TECPR2: variants seen among roughly 807,000 people sequenced by gnomAD.
TECPR2 encodes the protein tectonin beta-propeller repeat containing 2.
TECPR2 carries 65 observed loss-of-function variants against 138.1 expected under a neutral mutation model. The ratio of observed to expected loss-of-function variants is 0.47; its 90% CI spans 0.39 to 0.58. TECPR2 has a LOEUF of 0.58. TECPR2 is among the 20% of genes least tolerant of loss of function. The pLI is 0.00. For missense variants in TECPR2, 1,553 were observed against 1,824.5 expected (o/e 0.85, Z 2.71); for synonymous variants, 746 against 749.8 (o/e 0.99, Z 0.08).
intron 16 of TECPR2, among the ~76,000 whole-genome samples, chr14:102,453,820 C>CAA (rs559709458): frequency 1.1e-4 from 6 of 56,450 alleles, no homozygotes; most frequent in African/African-American, 1.3e-4. Context: ...ATGTACTCAC[C>CAA]AAAAAAAAAA....
intron 12 of TECPR2, 23 bp from the exon 13 acceptor site, chr14:102,445,783 C>A (rs1323173208): frequency 6.2e-7 from 1 of 1,611,980 alleles, no homozygotes; most frequent in East Asian, 2.2e-5. Context: ...TGCTGACCCC[C>A]CTGTTCTCCT....
chr14:102,434,889 G>T lies in TECPR2; in HGVS notation c.2072G>T (p.Gly691Val), dbSNP rs763134140. The T allele has an allele frequency of 2.5e-6, 4 of 1,613,668 alleles. No homozygotes were observed. Among genetic ancestry groups the T allele is most frequent in the East Asian group, 2.2e-5 (1 of 44,884 alleles). Residue 691 changes from glycine (G) to valine (V), a missense_variant, in exon 9 of 20, where the codon GGC (glycine) becomes GTC (valine). Transcript: ENST00000359520. The part of the protein sequence containing the change: ...QDILTSMEAS[G>V]HLSTNLWHAV... Reference sequence around the variant, plus strand: ...ATCCTAACCAGCATGGAGGCCTCTGGCCACCTCAGCACAAATCTCTGGCAT... The same window carrying T: ...ATCCTAACCAGCATGGAGGCCTCTGTCCACCTCAGCACAAATCTCTGGCAT...
intron 17 of TECPR2, among the ~76,000 whole-genome samples, chr14:102,473,123 G>A (rs993242228): frequency 1.3e-5 from 2 of 152,244 alleles, no homozygotes; most frequent in Non-Finnish European, 2.9e-5. Context: ...GGCGGCAGGG[G>A]TGGGACATAG....
intron 1 of TECPR2, among the ~76,000 whole-genome samples, chr14:102,366,496 G>A (rs529183380): frequency 3.3e-5 from 5 of 152,168 alleles, no homozygotes; most frequent in South Asian, 2.1e-4. Context: ...ACAGGTGTGC[G>A]CCACCACACC....
intron 2 of TECPR2, among the ~76,000 whole-genome samples, chr14:102,400,357 T>A (rs1270826879): frequency 1.3e-5 from 2 of 152,242 alleles, no homozygotes; most frequent in Non-Finnish European, 2.9e-5. Flanking sequence ...CATTTTGTTT[T>A]CTACATAATT....
Position 102,435,150 on chromosome 14 carries a change from G to A in TECPR2, c.2333G>A (p.Cys778Tyr). ...ETSVTELGPS[C>Y]SQQDLSRLGA... is the part of the protein sequence containing the mutation. The stretch of plus-strand genomic sequence containing the variant: ...AGTGTGACAGAGCTCGGACCTAGTT[G>A]CTCCCAGCAGGACCTGAGCCGGCTG... The change falls in exon 9 of 20, where the codon TGC becomes TAC. Residue 778 changes from cysteine (C) to tyrosine (Y), a missense_variant. Physicochemically the swap from Cys to Tyr is radical, Grantham distance 194. Transcript: ENST00000359520. The A allele has an allele frequency of 6.2e-7, 1 of 1,613,246 alleles. No individual in the cohort carries two copies. The highest frequency in any genetic ancestry group is 8.5e-7 in the Non-Finnish European group (1 of 1,180,022).
intron 1 of TECPR2, among the ~76,000 whole-genome samples, chr14:102,369,778 A>AAAAAAAAC (rs1295399437): frequency 1.3e-5 from 2 of 150,476 alleles, no homozygotes. Flanking sequence ...CGTCTCTACT[A>AAAAAAAAC]AAAAAAACAA....
At position 102,498,607 on chromosome 14, in the gene TECPR2, AG is replaced by A. The variant is rs1346407586; in HGVS notation, c.*353del. 2.4e-6 allele frequency: 1 copy of A among 418,094 alleles called. No individual in the cohort carries two copies. The highest frequency in any genetic ancestry group is 4.5e-6 in the Non-Finnish European group (1 of 221,622). The allele number at this position is 418,094 out of a possible 1,614,324, so 25.9% of individuals were successfully genotyped here. ...GGTCTCCGGAGGCCTCCCAGAACCAAGGGTAGCCGGGCAGCTGGTTTGGCCC... is the reference window on the plus strand; with the variant it reads ...GGTCTCCGGAGGCCTCCCAGAACCAAGGTAGCCGGGCAGCTGGTTTGGCCC... On this transcript the variant is annotated 3_prime_UTR_variant, in exon 20 of 20. Coordinates refer to ENST00000359520, the MANE Select transcript of TECPR2 (RefSeq NM_014844.5).
At chr14:102,492,536 G>A (rs1323817810) in intron 17 of TECPR2, among the ~76,000 whole-genome samples, 1 of 152,194 alleles carries the variant, frequency 6.6e-6, no homozygotes, top group Non-Finnish European at 1.5e-5. Flanking sequence ...GGATAAAAGC[G>A]GGTGAGGGGC....
chr14:102,407,497 C>G, intron 3 of TECPR2, 31 bp downstream of exon 3: 1 of 1,564,154 alleles, frequency 6.4e-7, no homozygotes, highest in Non-Finnish European at 8.6e-7. Context: ...CACGTGTTAA[C>G]TTCTTGGCAC....
At chr14:102,458,757 C>T (rs1046019585) in intron 16 of TECPR2, among the ~76,000 whole-genome samples, 2 of 151,910 alleles carry the variant, frequency 1.3e-5, no homozygotes, top group African/African-American at 4.8e-5. Context: ...CAGTTGAGAT[C>T]GCACCTCCCC....
intron 17 of TECPR2, among the ~76,000 whole-genome samples, chr14:102,482,483 G>A (rs1000824786): frequency 2.0e-5 from 3 of 152,126 alleles, no homozygotes; most frequent in Non-Finnish European, 2.9e-5. Context: ...CACCCTCTTG[G>A]CCAGCTCCAG....
chr14:102,390,222 C>T (rs767008490), intron 2 of TECPR2, among the ~76,000 whole-genome samples: 10 of 152,116 alleles, frequency 6.6e-5, no homozygotes, highest in Non-Finnish European at 1.5e-4. Flanking sequence ...GCCAAGGAGG[C>T]TAAGAAGGTT....
intron 10 of TECPR2, among the ~76,000 whole-genome samples, chr14:102,439,462 A>G (rs1490429787): frequency 6.6e-6 from 1 of 152,150 alleles, no homozygotes; most frequent in Non-Finnish European, 1.5e-5. Context: ...GAGACTGGCT[A>G]ACAACCCACT....
intron 7 of TECPR2, among the ~76,000 whole-genome samples, chr14:102,431,395 T>C (rs968980926): frequency 1.4e-5 from 2 of 144,194 alleles, no homozygotes; most frequent in African/African-American, 5.2e-5. Context: ...CAGGCTGGAG[T>C]GCAGTGGCGC....
intron 17 of TECPR2, among the ~76,000 whole-genome samples, chr14:102,484,362 C>G (rs1890972701): frequency 6.6e-6 from 1 of 152,070 alleles, no homozygotes; most frequent in Admixed American, 6.6e-5. Context: ...TTTGTATGTC[C>G]CAAGTTGTGT....
intron 2 of TECPR2, among the ~76,000 whole-genome samples, chr14:102,388,378 GT>G (rs1000478516): frequency 6.6e-6 from 1 of 151,282 alleles, no homozygotes; most frequent in East Asian, 1.9e-4. Flanking sequence ...ATTCCAATAG[GT>G]TTTTTTTTAG....
intron 7 of TECPR2, 150 bp downstream of exon 7, chr14:102,428,532 G>C: frequency 8.2e-7 from 1 of 1,222,068 alleles, no homozygotes; most frequent in Non-Finnish European, 1.1e-6. Context: ...AGGCTGAGGT[G>C]GGTGGATCGC....
chr14:102,451,261 C>T (rs1890134800), intron 15 of TECPR2, among the ~76,000 whole-genome samples: 1 of 152,148 alleles, frequency 6.6e-6, no homozygotes, highest in African/African-American at 2.4e-5. Flanking sequence ...GGCAGTCAGG[C>T]GACCTCTCTG....
Sources: allele counts gnomAD v4.1 joint callset (sites outside exome capture counted in the v4.1 genomes callset), GRCh38; gene constraint gnomAD v4.1.1; transcripts MANE v1.5; gene names NCBI Gene and HGNC (gene_info 2026-07-23, HGNC 2026-07-21).